The following SLC12A3 variants were observed in gnomAD, a reference collection of about 807,000 sequenced individuals.
The protein encoded by SLC12A3 is solute carrier family 12 member 3.
A neutral mutation model predicts 121.0 loss-of-function variants in SLC12A3; 104 were observed. The observed-to-expected ratio is 0.86, with a 90% CI of 0.73 to 1.01. The LOEUF is 1.01. Among genes scored for constraint, SLC12A3 ranks in the 50% least tolerant of loss-of-function variants. The pLI is 0.00. For missense variants in SLC12A3, 1,328 were observed against 1,356.3 expected, an observed-to-expected ratio of 0.98 and a Z score of 0.33; for synonymous variants, 536 against 533.4, an observed-to-expected ratio of 1.00 and a Z score of -0.07.
chr16:56,913,395 A>G lies in SLC12A3; in HGVS notation c.3056A>G (p.Tyr1019Cys), dbSNP rs572393663. The G allele has an allele frequency of 6.2e-7, 1 of 1,614,204 alleles. No individual in the cohort carries two copies. The highest frequency in any genetic ancestry group is 2.2e-5 in the East Asian group (1 of 44,890). ...AACCAGGAAAACGTGCTCACCTTTTACTGCCAGTAACTCCAGGCTTTGACA... is the reference window on the plus strand; with the variant it reads ...AACCAGGAAAACGTGCTCACCTTTTGCTGCCAGTAACTCCAGGCTTTGACA... ...RGNQENVLTF[Y>C]CQ Residue 1019 changes from tyrosine (Y) to cysteine (C), a missense_variant, in exon 26 of 26, where the codon TAC (tyrosine) becomes TGC (cysteine). Transcript: ENST00000563236.
chr16:56,904,854 A>G (rs2055585899), intron 25 of SLC12A3: 1 of 343,818 alleles, frequency 2.9e-6, no homozygotes, highest in Non-Finnish European at 5.7e-6. Flanking sequence ...TTCCCAGCTG[A>G]TGTTGGTTCC....
rs34438029 is a variant in SLC12A3 at position 56,895,192 on chromosome 16, A to ATTTTTTTTT, written c.2633+559_2633+567dup. Among the ~76,000 whole-genome samples the ATTTTTTTTT allele has an allele frequency of 3.2e-5, 4 of 126,682 alleles. 1 individual carries two copies. Among genetic ancestry groups the ATTTTTTTTT allele is most frequent in the Non-Finnish European group, 6.4e-5 (4 of 62,350 alleles). 83.1% of individuals were successfully genotyped at this position (126,682 alleles called of 152,430 possible). On this transcript the variant is annotated intron_variant, in intron 22 of 25. Transcript: ENST00000563236. ...ATGTTTTAAATTTTTATATATTTTA[A>ATTTTTTTTT]TTTTTTTTTTTTTTTTTGAGATGGA...
chr16:56,897,473 G>A (rs2055480913), intron 22 of SLC12A3, among the ~76,000 whole-genome samples: 2 of 152,190 alleles, frequency 1.3e-5, no homozygotes, highest in African/African-American at 2.4e-5. Flanking sequence ...CACCCGCAGT[G>A]TGAGTTAAGG....
At position 56,865,452 on chromosome 16, in the gene SLC12A3, A is replaced by G. The variant is rs1267907188; in HGVS notation, c.217A>G (p.Ser73Gly). Residue 73 changes from serine (S) to glycine (G), a missense_variant, in exon 1 of 26, where the codon AGC becomes GGC. Coordinates refer to ENST00000563236, the MANE Select transcript of SLC12A3 (RefSeq NM_001126108.2). ...GCCCACATATGAGCACTATGCCAAC[A>G]GCACCCAGCCTGGTGAGCCCCGGAA... ...VVPTYEHYAN[S>G]TQPGEPRKVR... is the part of the protein sequence containing the mutation. 3 of 1,614,010 alleles carry G rather than the reference A, an allele frequency of 1.9e-6. No homozygotes were observed. In the Admixed American group the frequency reaches 5.0e-5, roughly 27 times the overall value.
intron 18 of SLC12A3, among the ~76,000 whole-genome samples, chr16:56,888,457 CAG>C (rs1399365655): frequency 6.6e-6 from 1 of 151,848 alleles, no homozygotes; most frequent in Non-Finnish European, 1.5e-5. Flanking sequence ...TGTGGCAACC[CAG>C]AGAGAGTGGC....
chr16:56,879,377 C>G, intron 10 of SLC12A3, 150 bp downstream of exon 10: 1 of 1,176,322 alleles, frequency 8.5e-7, no homozygotes, highest in Non-Finnish European at 1.2e-6. Flanking sequence ...CCAGGTCTGT[C>G]CAGTCCCGAC....
chr16:56,874,242 A>G (rs2055139261), intron 8 of SLC12A3, among the ~76,000 whole-genome samples: 1 of 152,248 alleles, frequency 6.6e-6, no homozygotes, highest in Non-Finnish European at 1.5e-5. Context: ...GTGTTTGAGC[A>G]GTAGCACAAA....
At chr16:56,868,506 CT>C in intron 3 of SLC12A3, 134 bp downstream of exon 3, 1 of 860,458 alleles carries the variant, frequency 1.2e-6, no homozygotes. Context: ...ACGGCCAGGC[CT>C]TCTCCTCCCT....
At position 56,899,871 on chromosome 16, in the gene SLC12A3, G is replaced by A. The variant is rs35037621; in HGVS notation, c.2720+255G>A. ...TTAACACATTGGTGCTGGGAGAGGG[G>A]AAAAGGTGAGTGACCTGGGCAACAA... is the stretch of plus-strand genomic sequence containing the variant. On this transcript the variant is annotated intron_variant, in intron 23 of 25. Coordinates refer to ENST00000563236, the MANE Select transcript of SLC12A3 (RefSeq NM_001126108.2). 0.03 allele frequency among the ~76,000 whole-genome samples: 4,502 copies of A among 152,332 alleles called. 81 individuals carry two copies. Among genetic ancestry groups the A allele is most frequent in the Middle Eastern group, 0.054 (16 of 294 alleles).
chr16:56,893,433 C>T (rs552706558), intron 21 of SLC12A3, among the ~76,000 whole-genome samples: 21 of 152,294 alleles, frequency 1.4e-4, no homozygotes, highest in Admixed American at 9.8e-4. Flanking sequence ...ATTGCTCCTA[C>T]CTTTGATAGA....
rs1234817705 is a variant in SLC12A3, at chr16:56,913,579, A to G, written c.*174A>G. 4.2e-6 allele frequency: 3 copies of G among 707,370 alleles called. No homozygotes were observed. The highest frequency in any genetic ancestry group is 3.5e-5 in the African/African-American group (2 of 57,842). The allele number at this position is 707,370 out of a possible 1,614,324, so 43.8% of individuals were successfully genotyped here. On this transcript the variant is annotated 3_prime_UTR_variant, in exon 26 of 26. Coordinates refer to ENST00000563236, the MANE Select transcript of SLC12A3 (RefSeq NM_001126108.2). ...CCAAATCTGGCTGGACTCCACTTCC[A>G]TGGGACACATTCCCTGGGTCTTGTG... is the stretch of plus-strand genomic sequence containing the variant.
chr16:56,906,726 G>C (rs1400268865), intron 25 of SLC12A3: 2 of 626,332 alleles, frequency 3.2e-6, no homozygotes, highest in Non-Finnish European at 5.4e-6. Context: ...AACTAATTTT[G>C]GTGGTGGCAA....
intron 11 of SLC12A3, 47 bp downstream of exon 11, chr16:56,879,696 G>T (rs1364311443): frequency 1.1e-5 from 15 of 1,419,294 alleles, no homozygotes; most frequent in Non-Finnish European, 1.5e-5. Flanking sequence ...GGGGAGCCTG[G>T]GCTAGAGGCA....
At chr16:56,895,972 G>A (rs1220778972) in intron 22 of SLC12A3, among the ~76,000 whole-genome samples, 7 of 152,104 alleles carry the variant, frequency 4.6e-5, no homozygotes, top group Non-Finnish European at 1.5e-5. Flanking sequence ...TCTGACAGGA[G>A]GCAGAGGTCA....
At chr16:56,880,009 C>T (rs919430026) in intron 11 of SLC12A3, 121 bp from the exon 12 acceptor site, 86 of 1,253,708 alleles carry the variant, frequency 6.9e-5, no homozygotes, top group Admixed American at 9.9e-5. Context: ...GAAACAGACA[C>T]CAGGACCCAG....
chr16:56,886,192 G>A lies in SLC12A3; in HGVS notation c.1926-172G>A, dbSNP rs12444694. On this transcript the variant is annotated intron_variant, in intron 15 of 25. Coordinates refer to ENST00000563236, the MANE Select transcript of SLC12A3 (RefSeq NM_001126108.2). Reference sequence around the variant, plus strand: ...AGTGTGGAGGTCACCAAAAGAGCAGGAAGAGCCCCAAAAGTCACCCTGGAT... The same window carrying A: ...AGTGTGGAGGTCACCAAAAGAGCAGAAAGAGCCCCAAAAGTCACCCTGGAT... 0.11 allele frequency among the ~76,000 whole-genome samples: 16,367 copies of A among 152,196 alleles called. 988 individuals carry two copies. The highest frequency in any genetic ancestry group is 0.16 in the Middle Eastern group (48 of 294).
intron 25 of SLC12A3, among the ~76,000 whole-genome samples, chr16:56,905,862 G>A (rs1196347255): frequency 5.3e-5 from 8 of 152,182 alleles, no homozygotes; most frequent in Non-Finnish European, 8.8e-5. Flanking sequence ...GGCATGAAAC[G>A]TCAGGGTATC....
At chr16:56,870,801 C>T (rs1391852068) in intron 6 of SLC12A3, 65 bp downstream of exon 6, 5 of 939,780 alleles carry the variant, frequency 5.3e-6, no homozygotes, top group Admixed American at 1.8e-5. Context: ...GTTGCCAGGC[C>T]TGGGCCCTCC....
At chr16:56,869,700 C>A in intron 3 of SLC12A3, 29 bp from the exon 4 acceptor site, 1 of 1,599,494 alleles carries the variant, frequency 6.3e-7, no homozygotes, top group Non-Finnish European at 8.6e-7. Context: ...TGGGAAATGC[C>A]CTGCCTAAGC....
Sources: gnomAD v4.1 joint callset for allele counts (sites outside exome capture counted in the v4.1 genomes callset) on GRCh38, gnomAD v4.1.1 for gene constraint, MANE v1.5 for transcripts, NCBI Gene and HGNC (gene_info 2026-07-23, HGNC 2026-07-21) for gene names.